Variants in RALGAPA1 observed in about 807,000 individuals in gnomAD.
RALGAPA1 encodes Ral GTPase activating protein catalytic subunit alpha 1.
RALGAPA1 carries 52 observed loss-of-function variants against 269.6 expected under a neutral mutation model. The observed-to-expected ratio is 0.19, with a 90% CI of 0.15 to 0.24. The LOEUF (loss-of-function observed/expected upper bound fraction) is 0.24. RALGAPA1 is among the 10% of genes least tolerant of loss of function. The pLI is 1.00. For synonymous variants in RALGAPA1, 817 were observed against 1,008.3 expected, an observed-to-expected ratio of 0.81 and a Z score of 3.60; for missense variants, 1,917 against 3,013.9, an observed-to-expected ratio of 0.64 and a Z score of 8.52.
intron 9 of RALGAPA1, 43 bp from the exon 10 acceptor site, chr14:35,748,867 A>C (rs368780017): frequency 6.5e-7 from 1 of 1,535,806 alleles, no homozygotes; most frequent in Non-Finnish European, 8.7e-7. Context: ...ACAATATCAT[A>C]ATCATTTAAC....
chr14:35,774,785 A>T (rs2074889623), intron 3 of RALGAPA1, among the ~76,000 whole-genome samples: 1 of 152,176 alleles, frequency 6.6e-6, no homozygotes. Flanking sequence ...TGTGGTGTCA[A>T]ATGTATAAAA....
chr14:35,722,867 A>G (rs1024232958), intron 15 of RALGAPA1, among the ~76,000 whole-genome samples, 160 bp downstream of exon 15: 2 of 152,178 alleles, frequency 1.3e-5, no homozygotes, highest in African/African-American at 4.8e-5. Context: ...CTTACGATAA[A>G]AAGGAATGGT....
chr14:35,610,088 T>A (rs1236333308), intron 35 of RALGAPA1, among the ~76,000 whole-genome samples: 1 of 151,204 alleles, frequency 6.6e-6, no homozygotes, highest in Non-Finnish European at 1.5e-5. Flanking sequence ...TTTAAGATGA[T>A]CAACAAAATT....
chr14:35,801,784 T>C (rs1374874539), intron 1 of RALGAPA1, among the ~76,000 whole-genome samples: 2 of 151,886 alleles, frequency 1.3e-5, no homozygotes, highest in African/African-American at 4.8e-5. Context: ...AAACCTACAG[T>C]TAGGATCATA....
At chr14:35,713,859 GC>G (rs2068575685) in intron 16 of RALGAPA1, among the ~76,000 whole-genome samples, 1 of 152,172 alleles carries the variant, frequency 6.6e-6, no homozygotes, top group Non-Finnish European at 1.5e-5. Flanking sequence ...ACTTTGGGAG[GC>G]CCAGGCGGGT....
In RALGAPA1 at chr14:35,670,739, A is replaced by G. The variant is rs1281374430; in HGVS notation, c.5202+650T>C. ...GGAGTTCGAGACCAGCCTGACCAAC[A>G]TGGTGAAACCCCGTCACTACTAAAA... On this transcript the variant is annotated intron_variant, in intron 26 of 41. Coordinates refer to ENST00000680220, the MANE Select transcript of RALGAPA1 (RefSeq NM_001346249.2). Among the ~76,000 whole-genome samples the G allele has an allele frequency of 2.0e-5, 3 of 152,240 alleles. No homozygotes were observed. In the East Asian group the frequency reaches 5.8e-4, roughly 29 times the overall value.
At chr14:35,602,055 T>C (rs927112625) in intron 36 of RALGAPA1, among the ~76,000 whole-genome samples, 1 of 152,240 alleles carries the variant, frequency 6.6e-6, no homozygotes, top group African/African-American at 2.4e-5. Flanking sequence ...ATATTACATA[T>C]AAATGGACCA....
intron 17 of RALGAPA1, among the ~76,000 whole-genome samples, chr14:35,695,940 C>T (rs1338502914): frequency 6.6e-6 from 1 of 152,128 alleles, no homozygotes; most frequent in Non-Finnish European, 1.5e-5. Flanking sequence ...TGTACTTGCC[C>T]AGACACCAGA....
intron 1 of RALGAPA1, among the ~76,000 whole-genome samples, chr14:35,776,473 T>G (rs983501179): frequency 2.0e-4 from 30 of 151,884 alleles, no homozygotes; most frequent in Non-Finnish European, 2.1e-4. Context: ...AAATAGGTAC[T>G]TAGGGATTAA....
chr14:35,795,764 C>A (rs2076514194), intron 1 of RALGAPA1, among the ~76,000 whole-genome samples: 1 of 150,398 alleles, frequency 6.6e-6, no homozygotes, highest in Admixed American at 6.7e-5. Flanking sequence ...CACTTGAGAC[C>A]AGGAGCTTGA....
chr14:35,540,062 A>G (rs1039678751), intron 41 of RALGAPA1, among the ~76,000 whole-genome samples: 3 of 152,184 alleles, frequency 2.0e-5, no homozygotes, highest in Non-Finnish European at 2.9e-5. Flanking sequence ...TTCAGGGTAC[A>G]ACCAAGAAAA....
chr14:35,737,694 G>C (rs1168607661), intron 12 of RALGAPA1, among the ~76,000 whole-genome samples: 1 of 136,558 alleles, frequency 7.3e-6, no homozygotes. Flanking sequence ...AGGAGGCAGA[G>C]GTTGCAGTGA....
chr14:35,554,561 TG>T (rs2055395090), intron 39 of RALGAPA1, among the ~76,000 whole-genome samples: 2 of 151,770 alleles, frequency 1.3e-5, no homozygotes, highest in South Asian at 4.2e-4. Flanking sequence ...TTAGCCGGGA[TG>T]GTCTCGATCT....
intron 33 of RALGAPA1, among the ~76,000 whole-genome samples, chr14:35,633,348 A>G (rs1471977820): frequency 6.6e-6 from 1 of 152,112 alleles, no homozygotes; most frequent in Non-Finnish European, 1.5e-5. Context: ...AATTTTGTCT[A>G]ATTGTTTTTT....
In RALGAPA1 at chr14:35,802,334, A is replaced by G. The variant is rs561416650; in HGVS notation, c.106+6396T>C. Among the ~76,000 whole-genome samples, 3 of 152,286 alleles carry G rather than the reference A, an allele frequency of 2.0e-5. No individual in the cohort carries two copies. In the South Asian group the frequency reaches 6.2e-4, roughly 32 times the overall value. ...AAAAAATAAATAAATAACAGAACTA[A>G]GTCAGTTCAGCAGGTTTGTAGGACA... On this transcript the variant is annotated intron_variant, in intron 1 of 41. Coordinates refer to ENST00000680220, the MANE Select transcript of RALGAPA1 (RefSeq NM_001346249.2).
At chr14:35,651,477 C>T (rs960860829) in intron 31 of RALGAPA1, among the ~76,000 whole-genome samples, 14 of 152,042 alleles carry the variant, frequency 9.2e-5, no homozygotes, top group Admixed American at 5.2e-4. Flanking sequence ...CAAGTGGCTG[C>T]CTTTAGAGGT....
intron 11 of RALGAPA1, among the ~76,000 whole-genome samples, chr14:35,742,155 T>G (rs1408359585): frequency 6.6e-6 from 1 of 152,214 alleles, no homozygotes; most frequent in East Asian, 1.9e-4. Context: ...GTATACAACC[T>G]CAATACTAAT....
chr14:35,794,293 A>T (rs1203163351), intron 1 of RALGAPA1, among the ~76,000 whole-genome samples: 2 of 151,994 alleles, frequency 1.3e-5, no homozygotes, highest in Admixed American at 1.3e-4. Flanking sequence ...AGGGCAACAT[A>T]GGGAAACCCC....
In RALGAPA1 at chr14:35,654,394, C is replaced by A; in HGVS notation, c.5580G>T (p.Gln1860His). The change falls in exon 30 of 42, where the codon CAG (glutamine) becomes CAT (histidine). Residue 1860 changes from glutamine (Q) to histidine (H), a missense_variant. Gln to His is a conservative substitution (Grantham distance 24). Transcript: ENST00000680220. Reference protein sequence around the residue: ...VHYVPRLQIYQPDSPLKIIQI... With the variant: ...VHYVPRLQIYHPDSPLKIIQI... ...GAATAATTTTCAAGGGAGAATCAGG[C>A]TGGTAAATCTGAAGTCTAGGTACAT... 2 of 1,598,972 alleles carry A rather than the reference C, an allele frequency of 1.3e-6. 1 individual carries two copies. The highest frequency in any genetic ancestry group is 2.7e-5 in the African/African-American group (2 of 74,420).
Sources: allele counts gnomAD v4.1 joint callset (sites outside exome capture counted in the v4.1 genomes callset), GRCh38; gene constraint gnomAD v4.1.1; transcripts MANE v1.5; gene names NCBI Gene and HGNC (gene_info 2026-07-23, HGNC 2026-07-21).